Variants in COA1 observed in about 807,000 individuals in gnomAD.
The protein encoded by COA1 is cytochrome c oxidase assembly factor 1, also known as cytochrome c oxidase assembly factor 1 homolog.
COA1 carries 13 observed loss-of-function variants against 16.0 expected under a neutral mutation model. The observed-to-expected ratio is 0.81, with a 90% CI of 0.53 to 1.29. The LOEUF (loss-of-function observed/expected upper bound fraction) is 1.29, where lower values mean the gene tolerates loss of function less well. COA1 is among the 50% of genes most tolerant of loss of function. COA1 has a pLI of 0.00. For missense variants in COA1, 179 were observed against 177.0 expected, an observed-to-expected ratio of 1.01 and a Z score of -0.06; for synonymous variants, 65 against 65.7, an observed-to-expected ratio of 0.99 and a Z score of 0.05.
chr7:43,647,622 T>A lies in COA1; in HGVS notation c.28A>T (p.Arg10Trp). 5 of 1,612,474 alleles carry A rather than the reference T, an allele frequency of 3.1e-6. No individual in the cohort carries two copies. The highest frequency in any genetic ancestry group is 4.2e-6 in the Non-Finnish European group (5 of 1,178,866). MMWQKYAGS[R>W]RSMPLGARIL... The stretch of plus-strand genomic sequence containing the variant: ...CTTGCTCCCAGAGGCATTGACCGCC[T>A]GCTTCCTGCATACTTAAAAACAAAA... Residue 10 changes from arginine (R) to tryptophan (W), a missense_variant, in exon 3 of 6, where the codon AGG (arginine) becomes TGG (tryptophan). Transcript: ENST00000223336.
intron 1 of COA1, among the ~76,000 whole-genome samples, chr7:43,716,369 A>C (rs530578187): frequency 1.2e-4 from 19 of 152,280 alleles, no homozygotes; most frequent in Non-Finnish European, 2.2e-4. Flanking sequence ...GAGATGAGGA[A>C]CTTGTTGGGA....
At chr7:43,663,755 C>G (rs966720112) in intron 1 of COA1, among the ~76,000 whole-genome samples, 1 of 151,748 alleles carries the variant, frequency 6.6e-6, no homozygotes, top group African/African-American at 2.4e-5. Flanking sequence ...CCCCCAAGCC[C>G]CAGCAACTAC....
intron 1 of COA1, among the ~76,000 whole-genome samples, chr7:43,683,757 G>A (rs2093884585): frequency 1.3e-5 from 2 of 151,952 alleles, no homozygotes; most frequent in African/African-American, 4.8e-5. Context: ...CTCTGAAGAA[G>A]TACTATTATT....
chr7:43,720,242 C>T (rs1050298102), intron 1 of COA1, among the ~76,000 whole-genome samples: 2 of 151,658 alleles, frequency 1.3e-5, no homozygotes, highest in Non-Finnish European at 2.9e-5. Context: ...CGCACCACTG[C>T]ACTCCAGCCT....
chr7:43,712,245 T>C (rs2095274307), intron 1 of COA1, among the ~76,000 whole-genome samples: 1 of 152,104 alleles, frequency 6.6e-6, no homozygotes, highest in African/African-American at 2.4e-5. Context: ...CCAGAGTACC[T>C]GGGACTACAG....
At chr7:43,727,771 G>A (rs567480042) in intron 1 of COA1, among the ~76,000 whole-genome samples, 1 of 152,296 alleles carries the variant, frequency 6.6e-6, no homozygotes, top group African/African-American at 2.4e-5. Flanking sequence ...TGATGAAAAT[G>A]TTCAATTGTT....
intron 1 of COA1, among the ~76,000 whole-genome samples, chr7:43,724,413 G>A (rs955261138): frequency 6.6e-6 from 1 of 152,136 alleles, no homozygotes; most frequent in South Asian, 2.1e-4. Flanking sequence ...ATTAGCCTGC[G>A]TGGTGGTGCA....
At chr7:43,680,369 A>C (rs1284232885) in intron 1 of COA1, among the ~76,000 whole-genome samples, 1 of 152,102 alleles carries the variant, frequency 6.6e-6, no homozygotes, top group African/African-American at 2.4e-5. Context: ...TCTTTAATTA[A>C]AGTTTCAAAA....
intron 5 of COA1, among the ~76,000 whole-genome samples, chr7:43,640,184 G>C (rs537367725): frequency 6.6e-6 from 1 of 152,362 alleles, no homozygotes; most frequent in African/African-American, 2.4e-5. Context: ...GCCAATTAAG[G>C]GGTGGAGAGC....
intron 1 of COA1, among the ~76,000 whole-genome samples, chr7:43,692,183 A>C (rs1338578753): frequency 6.6e-6 from 1 of 152,126 alleles, no homozygotes; most frequent in East Asian, 1.9e-4. Context: ...ATCCTGAGAG[A>C]AATTTATAAT....
chr7:43,631,969 C>T (rs1483752945), intron 6 of COA1: 1 of 152,130 alleles, frequency 6.6e-6, no homozygotes, highest in Non-Finnish European at 1.5e-5. Flanking sequence ...GTTGCTGAAG[C>T]CTGCAGTGAC....
At chr7:43,681,560 A>G (rs1433028075) in intron 1 of COA1, among the ~76,000 whole-genome samples, 1 of 152,138 alleles carries the variant, frequency 6.6e-6, no homozygotes, top group Non-Finnish European at 1.5e-5. Flanking sequence ...CATCCTTGCA[A>G]AAATAAGGTA....
At chr7:43,725,602 T>C (rs1487134919) in intron 1 of COA1, among the ~76,000 whole-genome samples, 1 of 152,194 alleles carries the variant, frequency 6.6e-6, no homozygotes, top group Non-Finnish European at 1.5e-5. Context: ...CTCATGCCTA[T>C]AACCCCAGCA....
chr7:43,713,520 G>T (rs191434563), intron 1 of COA1, among the ~76,000 whole-genome samples: 11 of 152,128 alleles, frequency 7.2e-5, no homozygotes, highest in Admixed American at 7.2e-4. Flanking sequence ...AAGTTTTATG[G>T]CTAGTCCTTT....
At chr7:43,714,519 C>T (rs1421727826) in intron 1 of COA1, among the ~76,000 whole-genome samples, 1 of 151,436 alleles carries the variant, frequency 6.6e-6, no homozygotes, top group Non-Finnish European at 1.5e-5. Context: ...ATCCCAGCTA[C>T]TCGGGAGGCT....
downstream of COA1, among the ~76,000 whole-genome samples, chr7:43,638,320 T>C (rs1252656388): frequency 6.6e-6 from 1 of 151,902 alleles, no homozygotes; most frequent in Non-Finnish European, 1.5e-5. Flanking sequence ...ACAACCACAA[T>C]GGCATTAAGC....
At chr7:43,642,487 C>G (rs2087438889) in intron 4 of COA1, among the ~76,000 whole-genome samples, 2 of 151,982 alleles carry the variant, frequency 1.3e-5, no homozygotes, top group Non-Finnish European at 2.9e-5. Context: ...TTTCAGGGTC[C>G]CACTGTTTGA....
intron 6 of COA1, among the ~76,000 whole-genome samples, chr7:43,616,929 G>T (rs547942846): frequency 1.3e-5 from 2 of 152,154 alleles, no homozygotes; most frequent in African/African-American, 4.8e-5. Flanking sequence ...CCTCAATTTC[G>T]TTTTTCATAT....
At chr7:43,629,486 T>A (rs2084956020) in intron 6 of COA1, among the ~76,000 whole-genome samples, 1 of 152,258 alleles carries the variant, frequency 6.6e-6, no homozygotes, top group Non-Finnish European at 1.5e-5. Flanking sequence ...ATCCTTTAAC[T>A]GTATCCCTGT....
Sources: allele counts gnomAD v4.1 joint callset (sites outside exome capture counted in the v4.1 genomes callset), GRCh38; gene constraint gnomAD v4.1.1; transcripts MANE v1.5; gene names NCBI Gene and HGNC (gene_info 2026-07-23, HGNC 2026-07-21).